Variants in OLA1 observed in about 807,000 individuals in gnomAD.
OLA1 encodes the protein Obg like ATPase 1.
Under a neutral mutation model 48.4 loss-of-function variants are expected in OLA1, and 14 were observed. The ratio of observed to expected loss-of-function variants is 0.29; its 90% CI spans 0.19 to 0.45. The LOEUF (loss-of-function observed/expected upper bound fraction) is 0.45. Ranked by LOEUF, OLA1 falls within the 20% of genes least tolerant of loss-of-function variation. The pLI is 1.00. For missense variants in OLA1, 325 were observed against 467.1 expected, an observed-to-expected ratio of 0.70 and a Z score of 2.80; for synonymous variants, 127 against 150.4, an observed-to-expected ratio of 0.84 and a Z score of 1.14.
intron 4 of OLA1, among the ~76,000 whole-genome samples, chr2:174,198,401 T>G (rs66717877): frequency 0.11 from 16,874 of 152,254 alleles, 2,188 homozygotes; most frequent in East Asian, 0.7. Context: ...TAAAGACTAA[T>G]ATAGGCTTCT....
chr2:174,143,134 T>A (rs1344800323), intron 4 of OLA1, among the ~76,000 whole-genome samples: 2 of 152,194 alleles, frequency 1.3e-5, no homozygotes, highest in African/African-American at 2.4e-5. Context: ...TTAAGTTGTA[T>A]CTAAATGTGG....
chr2:174,181,594 T>C (rs929602807), intron 4 of OLA1, among the ~76,000 whole-genome samples: 3 of 152,078 alleles, frequency 2.0e-5, no homozygotes, highest in Non-Finnish European at 4.4e-5. Context: ...AACTCACTTG[T>C]TATGATCAGA....
intron 4 of OLA1, among the ~76,000 whole-genome samples, chr2:174,194,676 T>C (rs1396425200): frequency 1.3e-5 from 2 of 152,216 alleles, no homozygotes; most frequent in African/African-American, 2.4e-5. Context: ...TATTCTCCTT[T>C]AATTACACTC....
At chr2:174,179,852 C>T (rs536991245) in intron 4 of OLA1, among the ~76,000 whole-genome samples, 7 of 152,128 alleles carry the variant, frequency 4.6e-5, no homozygotes, top group African/African-American at 1.7e-4. Flanking sequence ...ACATTCTGGA[C>T]TGGCAACTTT....
At chr2:174,171,540 G>A (rs1332952736) in intron 4 of OLA1, among the ~76,000 whole-genome samples, 1 of 152,046 alleles carries the variant, frequency 6.6e-6, no homozygotes, top group African/African-American at 2.4e-5. Flanking sequence ...AGTCACAAGA[G>A]AAATAAGGAA....
intron 7 of OLA1, among the ~76,000 whole-genome samples, chr2:174,111,773 T>C (rs1465776794): frequency 6.6e-6 from 1 of 152,086 alleles, no homozygotes; most frequent in Non-Finnish European, 1.5e-5. Context: ...TCCAAGTTAG[T>C]GAAAATGCAA....
chr2:174,099,302 C>T (rs1406224543), intron 7 of OLA1, among the ~76,000 whole-genome samples: 6 of 152,010 alleles, frequency 3.9e-5, no homozygotes, highest in Non-Finnish European at 5.9e-5. Context: ...ACTACAGGTG[C>T]GTGCCACCAC....
intron 7 of OLA1, among the ~76,000 whole-genome samples, chr2:174,107,659 G>A (rs952151771): frequency 3.3e-5 from 5 of 151,978 alleles, no homozygotes; most frequent in African/African-American, 9.7e-5. Context: ...CCTAAAACAG[G>A]GGCTGAGAAT....
intron 7 of OLA1, among the ~76,000 whole-genome samples, chr2:174,086,454 C>T (rs10173857): frequency 0.25 from 37,611 of 152,062 alleles, 5,045 homozygotes; most frequent in Admixed American, 0.3. Context: ...CCTAAACCCT[C>T]GGACAGTACC....
Position 174,099,391 on chromosome 2 carries a change from T to C in OLA1, c.729-17327A>G, listed in dbSNP as rs531540586. On this transcript the variant is annotated intron_variant, in intron 7 of 10. Coordinates refer to ENST00000284719, the MANE Select transcript of OLA1 (RefSeq NM_013341.5). ...GGATGGTCTCGATCTCTTGAACTTA[T>C]GATCCGCCCGCCTTGGCCTCCTGAA... Among the ~76,000 whole-genome samples the C allele has an allele frequency of 2.6e-5, 4 of 152,286 alleles. No homozygotes were observed. The South Asian group carries it at 6.2e-4, about 24-fold the overall frequency.
At chr2:174,191,217 C>T (rs1241573141) in intron 4 of OLA1, among the ~76,000 whole-genome samples, 4 of 151,952 alleles carry the variant, frequency 2.6e-5, no homozygotes, top group African/African-American at 9.7e-5. Flanking sequence ...TGTTGTACAA[C>T]ATAAATATAC....
intron 7 of OLA1, among the ~76,000 whole-genome samples, chr2:174,097,501 T>C (rs915891459): frequency 6.6e-6 from 1 of 151,958 alleles, no homozygotes; most frequent in Non-Finnish European, 1.5e-5. Context: ...GTGGGGCCAG[T>C]AAGAAAGTGA....
chr2:174,161,229 G>A (rs1307060846), intron 4 of OLA1, among the ~76,000 whole-genome samples: 1 of 152,010 alleles, frequency 6.6e-6, no homozygotes, highest in Non-Finnish European at 1.5e-5. Flanking sequence ...CTGAATAAAA[G>A]TATAATATGA....
At chr2:174,239,521 A>C (rs919759859) in intron 2 of OLA1, among the ~76,000 whole-genome samples, 17 of 152,116 alleles carry the variant, frequency 1.1e-4, no homozygotes, top group Non-Finnish European at 8.8e-5. Context: ...AAAAGTGTCA[A>C]GGATATCAAA....
chr2:174,122,068 T>G (rs1248652742), intron 7 of OLA1, among the ~76,000 whole-genome samples: 1 of 152,178 alleles, frequency 6.6e-6, no homozygotes, highest in African/African-American at 2.4e-5. Context: ...GCGACAGAAC[T>G]GATTATTTTA....
At chr2:174,103,425 A>G (rs1685443801) in intron 7 of OLA1, among the ~76,000 whole-genome samples, 1 of 152,176 alleles carries the variant, frequency 6.6e-6, no homozygotes, top group East Asian at 1.9e-4. Context: ...TTGCATTACA[A>G]TGACAAAGTT....
In OLA1 at chr2:174,161,725, T is replaced by C. The variant is rs570831211; in HGVS notation, c.374-19725A>G. Among the ~76,000 whole-genome samples, 155 of 147,610 alleles carry C rather than the reference T, an allele frequency of 1.1e-3. 1 individual carries two copies. The highest frequency in any genetic ancestry group is 3.6e-3 in the Middle Eastern group (1 of 274). On this transcript the variant is annotated intron_variant, in intron 4 of 10. Transcript: ENST00000284719. Reference sequence around the variant, plus strand: ...ACACACACACACACACATAGATAGATAGACACACATACATACATTTGCACC... The same window carrying C: ...ACACACACACACACACATAGATAGACAGACACACATACATACATTTGCACC...
At chr2:174,156,376 C>T (rs529747405) in intron 4 of OLA1, among the ~76,000 whole-genome samples, 69 of 152,164 alleles carry the variant, frequency 4.5e-4, no homozygotes, top group African/African-American at 1.5e-3. Context: ...TGCATTAGTA[C>T]ATACTGAAAG....
chr2:174,169,853 T>A (rs1687254326), intron 4 of OLA1, among the ~76,000 whole-genome samples: 1 of 152,238 alleles, frequency 6.6e-6, no homozygotes, highest in Non-Finnish European at 1.5e-5. Context: ...TAAATGCCAC[T>A]GAAATGTACA....
Sources: gnomAD v4.1 joint callset for allele counts (sites outside exome capture counted in the v4.1 genomes callset) on GRCh38, gnomAD v4.1.1 for gene constraint, MANE v1.5 for transcripts, NCBI Gene and HGNC (gene_info 2026-07-23, HGNC 2026-07-21) for gene names.